The following CHN1 variants were observed in gnomAD, a reference collection of about 807,000 sequenced individuals.
CHN1 encodes N-chimaerin.
Under a neutral mutation model 59.5 loss-of-function variants are expected in CHN1, and 37 were observed. That is an observed-to-expected ratio of 0.62 (90% CI 0.48 to 0.82). The LOEUF (loss-of-function observed/expected upper bound fraction) is 0.82, where lower values mean the gene tolerates loss of function less well. Ranked by LOEUF, CHN1 falls within the 40% of genes least tolerant of loss-of-function variation. The pLI, the probability that CHN1 is intolerant of heterozygous loss-of-function variation, is 0.00. For synonymous variants in CHN1, 206 were observed against 200.4 expected, an observed-to-expected ratio of 1.03 and a Z score of -0.24; for missense variants, 469 against 571.0, an observed-to-expected ratio of 0.82 and a Z score of 1.82.
At chr2:174,830,166 G>C (rs1685826137) in intron 7 of CHN1, among the ~76,000 whole-genome samples, 1 of 152,166 alleles carries the variant, frequency 6.6e-6, no homozygotes, top group Admixed American at 6.5e-5. Context: ...CCAGGAGGCG[G>C]AGCTTGCAGT....
At chr2:174,913,765 C>G (rs1308562161) in intron 5 of CHN1, among the ~76,000 whole-genome samples, 1 of 152,128 alleles carries the variant, frequency 6.6e-6, no homozygotes, top group Non-Finnish European at 1.5e-5. Context: ...GGAATCAGAG[C>G]AGGCCCTGCT....
intron 1 of CHN1, among the ~76,000 whole-genome samples, chr2:174,974,725 G>C (rs1051722970): frequency 3.9e-5 from 6 of 152,048 alleles, no homozygotes; most frequent in African/African-American, 1.4e-4. Flanking sequence ...TAAAATAAAG[G>C]TAAGAGTCAT....
chr2:174,902,399 T>C (rs1688413965), intron 5 of CHN1, among the ~76,000 whole-genome samples: 1 of 152,130 alleles, frequency 6.6e-6, no homozygotes, highest in African/African-American at 2.4e-5. Flanking sequence ...TTTAAAAAGC[T>C]TTTTAGCACT....
At chr2:174,937,918 C>T (rs1183987485) in intron 3 of CHN1, among the ~76,000 whole-genome samples, 1 of 152,118 alleles carries the variant, frequency 6.6e-6, no homozygotes, top group East Asian at 1.9e-4. Context: ...GTACATTCTG[C>T]AGAACAATGG....
intron 10 of CHN1, among the ~76,000 whole-genome samples, chr2:174,809,285 C>G (rs1375803184): frequency 6.6e-6 from 1 of 152,108 alleles, no homozygotes; most frequent in Non-Finnish European, 1.5e-5. Context: ...TAATATTTTC[C>G]TTTATAGCCC....
At chr2:174,985,033 T>C (rs1691294361) in intron 1 of CHN1, among the ~76,000 whole-genome samples, 2 of 152,228 alleles carry the variant, frequency 1.3e-5, no homozygotes, top group Admixed American at 1.3e-4. Flanking sequence ...TTCCTTGGGC[T>C]TTTCTTATTC....
rs112603523 is a variant in CHN1, at chr2:174,969,693, CT to C, written c.20-17492del. 3.0e-3 allele frequency among the ~76,000 whole-genome samples: 446 copies of C among 150,044 alleles called. 1 individual carries two copies. The highest frequency in any genetic ancestry group is 9.5e-3 in the African/African-American group (389 of 40,992). On this transcript the variant is annotated intron_variant, in intron 1 of 12. Coordinates refer to ENST00000409900, the MANE Select transcript of CHN1 (RefSeq NM_001822.7). ...TCAAAACCCCCTGACACTTCATACTCTTTTTTTTTTCTACTTAGTACTTCTT... is the reference window on the plus strand; with the variant it reads ...TCAAAACCCCCTGACACTTCATACTCTTTTTTTTTCTACTTAGTACTTCTT...
intron 6 of CHN1, among the ~76,000 whole-genome samples, chr2:174,862,851 T>G (rs565646378): frequency 1.5e-3 from 223 of 152,262 alleles, no homozygotes; most frequent in African/African-American, 5.2e-3. Flanking sequence ...AAGTATTCTT[T>G]GTTTTAGTAG....
chr2:174,839,978 G>A (rs978632578), intron 7 of CHN1, among the ~76,000 whole-genome samples: 3 of 151,778 alleles, frequency 2.0e-5, no homozygotes, highest in Admixed American at 6.6e-5. Flanking sequence ...TCTCTCCAAA[G>A]TTTAAACTAC....
intron 7 of CHN1, among the ~76,000 whole-genome samples, chr2:174,839,707 G>T (rs1686220570): frequency 6.6e-6 from 1 of 151,592 alleles, no homozygotes. Flanking sequence ...GGGCCCCAGT[G>T]ATCCTCTCAC....
At chr2:174,914,375 T>G (rs1688780038) in intron 5 of CHN1, among the ~76,000 whole-genome samples, 1 of 152,288 alleles carries the variant, frequency 6.6e-6, no homozygotes, top group East Asian at 1.9e-4. Context: ...CAAGAAAAAC[T>G]GTTCCAACCA....
intron 1 of CHN1, among the ~76,000 whole-genome samples, chr2:174,972,629 A>C (rs913843088): frequency 6.6e-6 from 1 of 152,120 alleles, no homozygotes; most frequent in Non-Finnish European, 1.5e-5. Context: ...CAGACAATGG[A>C]AGTTGGAGCA....
chr2:174,966,127 A>C (rs1273825586), intron 1 of CHN1, among the ~76,000 whole-genome samples: 1 of 152,190 alleles, frequency 6.6e-6, no homozygotes, highest in Non-Finnish European at 1.5e-5. Context: ...ATTACAACTA[A>C]GATAATTAAA....
At chr2:174,957,675 T>C (rs1024453155) in intron 1 of CHN1, among the ~76,000 whole-genome samples, 1 of 152,094 alleles carries the variant, frequency 6.6e-6, no homozygotes, top group Non-Finnish European at 1.5e-5. Context: ...CACTTCCTTG[T>C]GGGGCTCCAA....
intron 1 of CHN1, among the ~76,000 whole-genome samples, chr2:174,974,270 T>A (rs146604023): frequency 5.3e-5 from 8 of 152,310 alleles, no homozygotes; most frequent in Non-Finnish European, 1.0e-4. Context: ...GCAGACTGAG[T>A]GATTTATGTC....
chr2:174,835,009 T>C (rs1460709023), intron 7 of CHN1, among the ~76,000 whole-genome samples: 3 of 152,324 alleles, frequency 2.0e-5, no homozygotes, highest in South Asian at 2.1e-4. Context: ...ATTCTTAGGC[T>C]GAGGCAAAGT....
intron 6 of CHN1, among the ~76,000 whole-genome samples, chr2:174,868,698 G>C (rs991628758): frequency 3.9e-5 from 6 of 152,256 alleles, no homozygotes; most frequent in Admixed American, 1.3e-4. Context: ...CCACCCATGG[G>C]AGGCTGCTAC....
chr2:174,802,392 T>TA (rs1174165299), intron 11 of CHN1, among the ~76,000 whole-genome samples: 16 of 152,202 alleles, frequency 1.1e-4, no homozygotes, highest in Non-Finnish European at 1.8e-4. Context: ...TTGTTTTATA[T>TA]AAAAAAATCA....
At chr2:174,842,576 T>C (rs1222617649) in intron 7 of CHN1, among the ~76,000 whole-genome samples, 1 of 152,224 alleles carries the variant, frequency 6.6e-6, no homozygotes, top group Admixed American at 6.5e-5. Flanking sequence ...TCATTTTGTA[T>C]TAATTTTATT....
Sources: gnomAD v4.1 joint callset for allele counts (sites outside exome capture counted in the v4.1 genomes callset) on GRCh38, gnomAD v4.1.1 for gene constraint, MANE v1.5 for transcripts, NCBI Gene and HGNC (gene_info 2026-07-23, HGNC 2026-07-21) for gene names.